BCAM: variants seen among roughly 807,000 people sequenced by gnomAD.
BCAM encodes basal cell adhesion molecule.
A neutral mutation model predicts 72.4 loss-of-function variants in BCAM; 61 were observed. The observed-to-expected ratio is 0.84, with a 90% CI of 0.69 to 1.04. The LOEUF (loss-of-function observed/expected upper bound fraction) is 1.04, where lower values mean the gene tolerates loss of function less well. Ranked by LOEUF, BCAM falls within the 50% of genes least tolerant of loss-of-function variation. The pLI is 0.00. For synonymous variants in BCAM, 408 were observed against 384.2 expected (o/e 1.06, Z -0.73); for missense variants, 909 against 895.0 (o/e 1.02, Z -0.20).
Position 44,812,598 on chromosome 19 carries a change from AGG to A in BCAM, c.504+52_504+53del. 1 of 1,604,730 alleles carries A rather than the reference AGG, an allele frequency of 6.2e-7. No homozygotes were observed. Among genetic ancestry groups the A allele is most frequent in the Non-Finnish European group, 8.5e-7 (1 of 1,173,900 alleles). ...CCAGGGTCCTGGAGGAGGAGGGGAC[AGG>A]GCCCTGGACTCCTGGGTCTGAGGGA... On this transcript the variant is annotated intron_variant, in intron 4 of 14. Coordinates refer to ENST00000270233, the MANE Select transcript of BCAM (RefSeq NM_005581.5). The surrounding 1 kb of genome is among the most constrained non-coding windows in gnomAD (Gnocchi z 5.3).
intron 13 of BCAM, 31 bp downstream of exon 13, chr19:44,819,757 A>G (rs762217072): frequency 3.3e-5 from 51 of 1,565,706 alleles, no homozygotes; most frequent in Non-Finnish European, 4.2e-5. Context: ...AATGACCACC[A>G]TAGCTTAACC....
rs1399318817 is a variant in BCAM, at chr19:44,814,561, C to G, written c.922-43C>G. 1 of 1,596,192 alleles carries G rather than the reference C, an allele frequency of 6.3e-7. No homozygotes were observed. Among genetic ancestry groups the G allele is most frequent in the African/African-American group, 1.3e-5 (1 of 74,674 alleles). ...CTGACCTAGCATGAGCCCGCTGAAC[C>G]GGGGTGGCTTCTGAGCCTGGTTCCT... is the stretch of plus-strand genomic sequence containing the variant. On this transcript the variant is annotated intron_variant, in intron 7 of 14. Coordinates refer to ENST00000270233, the MANE Select transcript of BCAM (RefSeq NM_005581.5). The surrounding 1 kb of genome is among the most constrained non-coding windows in gnomAD (Gnocchi z 4.6).
rs367835858 is a variant in BCAM, at chr19:44,812,964, A to AAAG, written c.505-277_505-275dup. 7.2e-6 allele frequency: 3 copies of AAAG among 418,116 alleles called. No homozygotes were observed. Among genetic ancestry groups the AAAG allele is most frequent in the Admixed American group, 4.3e-5 (1 of 23,064 alleles). 25.9% of individuals were successfully genotyped at this position (418,116 alleles called of 1,614,324 possible). Reference sequence around the variant, plus strand: ...TACTCCGTCTCAAAAAAAAAAAAAAAAAGAAGAAGAAAAGAAAAAAGAAAG... The same window carrying AAAG: ...TACTCCGTCTCAAAAAAAAAAAAAAAAAGAAGAAGAAGAAAAGAAAAAAGAAAG... On this transcript the variant is annotated intron_variant, in intron 4 of 14. Transcript: ENST00000270233. This position sits in a 1 kb window ranked among gnomAD's most constrained non-coding sequence, Gnocchi z 5.3.
chr19:44,812,766 A>T lies in BCAM; in HGVS notation c.504+218A>T. The T allele has an allele frequency of 1.8e-6, 1 of 568,730 alleles. No homozygotes were observed. The highest frequency in any genetic ancestry group is 3.1e-6 in the Non-Finnish European group (1 of 320,998). 35.2% of individuals were successfully genotyped at this position (568,730 alleles called of 1,614,324 possible). Reference sequence around the variant, plus strand: ...GGAGTTCCAGACCAGCCTGGCCAACATAATGAAACCCCGTCTCTACTAAAG... The same window carrying T: ...GGAGTTCCAGACCAGCCTGGCCAACTTAATGAAACCCCGTCTCTACTAAAG... On this transcript the variant is annotated intron_variant, in intron 4 of 14. Transcript: ENST00000270233. This position sits in a 1 kb window ranked among gnomAD's most constrained non-coding sequence, Gnocchi z 5.3.
intron 13 of BCAM, chr19:44,820,202 C>T (rs2122571044): frequency 1.1e-5 from 11 of 1,011,582 alleles, no homozygotes; most frequent in South Asian, 8.6e-5. Flanking sequence ...CCCATCATCC[C>T]CCTGAGCTCA....
At position 44,821,314 on chromosome 19, in the gene BCAM, C is replaced by G. The variant is rs559074081; in HGVS notation, c.*393C>G. On this transcript the variant is annotated 3_prime_UTR_variant, in exon 15 of 15. Transcript: ENST00000270233. ...CAGAGTCTGACACTGGATTCCCCCC[C>G]CTCACCCCGCCCCTGGTCCCACTCC... The G allele has an allele frequency of 3.2e-4, 65 of 203,910 alleles. No individual in the cohort carries two copies. Among genetic ancestry groups the G allele is most frequent in the South Asian group, 1.7e-3 (11 of 6,494 alleles). 12.6% of individuals were successfully genotyped at this position (203,910 alleles called of 1,614,324 possible). A position where few individuals can be genotyped will look rare whatever the true frequency, so the allele number is the denominator to read the frequency against.
rs779038716 is a variant in BCAM, at chr19:44,814,554, G to A, written c.922-50G>A. On this transcript the variant is annotated intron_variant, in intron 7 of 14. Coordinates refer to ENST00000270233, the MANE Select transcript of BCAM (RefSeq NM_005581.5). This position sits in a 1 kb window ranked among gnomAD's most constrained non-coding sequence, Gnocchi z 4.6. The stretch of plus-strand genomic sequence containing the variant: ...GTGGCTTCTGACCTAGCATGAGCCC[G>A]CTGAACCGGGGTGGCTTCTGAGCCT... 8 of 1,590,016 alleles carry A rather than the reference G, an allele frequency of 5.0e-6. 1 individual carries two copies. Among genetic ancestry groups the A allele is most frequent in the Middle Eastern group, 3.4e-4 (2 of 5,968 alleles).
Position 44,818,671 on chromosome 19 carries a change from C to T in BCAM, c.1194+34C>T, listed in dbSNP as rs368492974. 8.1e-6 allele frequency: 13 copies of T among 1,611,978 alleles called. No homozygotes were observed. Among genetic ancestry groups the T allele is most frequent in the Non-Finnish European group, 9.3e-6 (11 of 1,178,434 alleles). Reference sequence around the variant, plus strand: ...GAGAGGAGCCCCCTCGGGCCCTGCACTCGCACCCTCCTCTCTCCCCTCACT... The same window carrying T: ...GAGAGGAGCCCCCTCGGGCCCTGCATTCGCACCCTCCTCTCTCCCCTCACT... On this transcript the variant is annotated intron_variant, in intron 9 of 14. Transcript: ENST00000270233. The surrounding 1 kb of genome is among the most constrained non-coding windows in gnomAD (Gnocchi z 4.6).
Position 44,819,036 on chromosome 19 carries a change from C to T in BCAM, c.1337-20C>T, listed in dbSNP as rs745681399. 6.2e-7 allele frequency: 1 copy of T among 1,612,376 alleles called. No individual in the cohort carries two copies. The highest frequency in any genetic ancestry group is 2.2e-5 in the East Asian group (1 of 44,796). On this transcript the variant is annotated intron_variant, in intron 10 of 14. Transcript: ENST00000270233. ...CTCTCTCCTCTCCCTTCACTTTCTTCCCATCCCCACCACCCACAGGCTCGC... is the reference window on the plus strand; with the variant it reads ...CTCTCTCCTCTCCCTTCACTTTCTTTCCATCCCCACCACCCACAGGCTCGC...
intron 1 of BCAM, among the ~76,000 whole-genome samples, chr19:44,810,306 C>T (rs1968399963): frequency 6.6e-6 from 1 of 152,172 alleles, no homozygotes; most frequent in Non-Finnish European, 1.5e-5. Flanking sequence ...TGCAAGATGA[C>T]TCGACTTATC....
In BCAM at chr19:44,820,755, A is replaced by G; in HGVS notation, c.1814A>G (p.Gln605Arg). 1 of 1,500,106 alleles carries G rather than the reference A, an allele frequency of 6.7e-7. No homozygotes were observed. The highest frequency in any genetic ancestry group is 8.9e-7 in the Non-Finnish European group (1 of 1,119,898). 92.9% of individuals were successfully genotyped at this position (1,500,106 alleles called of 1,614,324 possible). A position where few individuals can be genotyped will look rare whatever the true frequency, so the allele number is the denominator to read the frequency against. Reference protein sequence around the residue: ...LSHSGSEQPEQTGLLMGGASG... With the variant: ...LSHSGSEQPERTGLLMGGASG... ...CACTCGGGGTCGGAGCAACCAGAGC[A>G]GACCGGCCTTCTCATGGGAGGTGCC... The change falls in exon 14 of 15, where the codon CAG (glutamine) becomes CGG (arginine). Residue 605 changes from glutamine (Q) to arginine (R), a missense_variant. Coordinates refer to ENST00000270233, the MANE Select transcript of BCAM (RefSeq NM_005581.5).
chr19:44,810,397 C>T (rs2122545872), intron 1 of BCAM, among the ~76,000 whole-genome samples: 1 of 152,234 alleles, frequency 6.6e-6, no homozygotes, highest in East Asian at 1.9e-4. Flanking sequence ...TCTCAGCCAG[C>T]CTGTCCCTCC....
At chr19:44,815,525 G>C (rs1483197226) in intron 8 of BCAM, among the ~76,000 whole-genome samples, 1 of 152,210 alleles carries the variant, frequency 6.6e-6, no homozygotes, top group Non-Finnish European at 1.5e-5. Flanking sequence ...TCACCAGTGA[G>C]AGAGAGCAGG....
chr19:44,819,437 G>C lies in BCAM; in HGVS notation c.1565G>C (p.Cys522Ser). The stretch of plus-strand genomic sequence containing the variant: ...GCCCTGAGCCGCGATGGCATCTCCT[G>C]TGAAGCCTCCAACCCCCACGGGAAC... ...TSALSRDGISCEASNPHGNKR... is the reference protein window; with the variant it reads ...TSALSRDGISSEASNPHGNKR... Residue 522 changes from cysteine to serine, a missense_variant, in exon 12 of 15, where the codon TGT (cysteine) becomes TCT (serine). Cys to Ser is a moderately radical substitution (Grantham distance 112, BLOSUM62 -1). Coordinates refer to ENST00000270233, the MANE Select transcript of BCAM (RefSeq NM_005581.5). The C allele has an allele frequency of 6.2e-7, 1 of 1,614,080 alleles. No individual in the cohort carries two copies. The highest frequency in any genetic ancestry group is 8.5e-7 in the Non-Finnish European group (1 of 1,179,958).
In BCAM at chr19:44,814,005, A is replaced by T; in HGVS notation, c.785-147A>T. On this transcript the variant is annotated intron_variant, in intron 6 of 14. Transcript: ENST00000270233. This position sits in a 1 kb window ranked among gnomAD's most constrained non-coding sequence, Gnocchi z 4.6. ...ACCTCTGAACTCTGGCACTCAGAAT[A>T]ATTGTGAACCTGAGGCTTGAAACCT... 1 of 1,077,654 alleles carries T rather than the reference A, an allele frequency of 9.3e-7. No homozygotes were observed. Among genetic ancestry groups the T allele is most frequent in the Non-Finnish European group, 1.3e-6 (1 of 763,438 alleles). 66.8% of individuals were successfully genotyped at this position (1,077,654 alleles called of 1,614,324 possible).
chr19:44,812,748 C>T lies in BCAM; in HGVS notation c.504+200C>T. On this transcript the variant is annotated intron_variant, in intron 4 of 14. Transcript: ENST00000270233. This position sits in a 1 kb window ranked among gnomAD's most constrained non-coding sequence, Gnocchi z 5.3. ...GCGGATCACCTGAGGTCAGGAGTTC[C>T]AGACCAGCCTGGCCAACATAATGAA... is the stretch of plus-strand genomic sequence containing the variant. 1 of 600,810 alleles carries T rather than the reference C, an allele frequency of 1.7e-6. No individual in the cohort carries two copies. Among genetic ancestry groups the T allele is most frequent in the Admixed American group, 3.1e-5 (1 of 32,608 alleles). The allele number at this position is 600,810 out of a possible 1,614,324, so 37.2% of individuals were successfully genotyped here.
At position 44,820,936 on chromosome 19, in the gene BCAM, A is replaced by G; in HGVS notation, c.*15A>G. On this transcript the variant is annotated 3_prime_UTR_variant, in exon 15 of 15. Coordinates refer to ENST00000270233, the MANE Select transcript of BCAM (RefSeq NM_005581.5). The stretch of plus-strand genomic sequence containing the variant: ...CCCAGTGCTGAGCCAAGAACCTCCT[A>G]GAGGCTGTCCCTGGACCTGGAGCTG... The G allele has an allele frequency of 6.4e-7, 1 of 1,557,590 alleles. No individual in the cohort carries two copies. Among genetic ancestry groups the G allele is most frequent in the South Asian group, 1.2e-5 (1 of 84,104 alleles).
chr19:44,816,745 C>T (rs186736703), intron 8 of BCAM, among the ~76,000 whole-genome samples: 163 of 151,954 alleles, frequency 1.1e-3, no homozygotes, highest in African/African-American at 3.8e-3. Context: ...TCGAGACCAG[C>T]CTGGCCAACA....
chr19:44,814,084 C>T lies in BCAM; in HGVS notation c.785-68C>T. ...CCCTCACCTGGGATGCAGGGCTGAC[C>T]TCTCGCCTGTCCTCTAGCCTTGACC... On this transcript the variant is annotated intron_variant, in intron 6 of 14. Transcript: ENST00000270233. This position sits in a 1 kb window ranked among gnomAD's most constrained non-coding sequence, Gnocchi z 4.6. 6.6e-7 allele frequency: 1 copy of T among 1,506,520 alleles called. No individual in the cohort carries two copies. The highest frequency in any genetic ancestry group is 8.8e-7 in the Non-Finnish European group (1 of 1,134,400). 93.3% of individuals were successfully genotyped at this position (1,506,520 alleles called of 1,614,324 possible).
Sources: allele counts gnomAD v4.1 joint callset (sites outside exome capture counted in the v4.1 genomes callset), GRCh38; gene constraint gnomAD v4.1.1; non-coding constraint Gnocchi (gnomAD v3.1); transcripts MANE v1.5; gene names NCBI Gene and HGNC (gene_info 2026-07-23, HGNC 2026-07-21).